AGMO: variants seen among roughly 807,000 people sequenced by gnomAD.
AGMO encodes alkylglycerol monooxygenase, also known as glyceryl-ether monooxygenase.
In AGMO, 75 loss-of-function variants were observed where a neutral mutation model predicts 60.2. The observed-to-expected ratio is 1.25, with a 90% CI of 1.03 to 1.51. The LOEUF (loss-of-function observed/expected upper bound fraction) is 1.51. Ranked by LOEUF, AGMO falls within the 40% of genes most tolerant of loss-of-function variation. The pLI, the probability that AGMO is intolerant of heterozygous loss-of-function variation, is 0.00. For synonymous variants in AGMO, 261 were observed against 177.1 expected (o/e 1.47, Z -3.76); for missense variants, 763 against 525.5 (o/e 1.45, Z -4.42).
intron 12 of AGMO, among the ~76,000 whole-genome samples, chr7:15,341,580 G>A (rs183620805): frequency 1.0e-3 from 155 of 152,224 alleles, no homozygotes; most frequent in African/African-American, 3.5e-3. Context: ...ACTGTTCCAA[G>A]CTTTGCCTGT....
intron 3 of AGMO, among the ~76,000 whole-genome samples, chr7:15,542,762 G>C (rs1252824671): frequency 6.6e-6 from 1 of 152,120 alleles, no homozygotes; most frequent in East Asian, 1.9e-4. Flanking sequence ...TTTGATTTTG[G>C]AGTAGCCTTT....
chr7:15,231,322 T>C (rs764294681), intron 12 of AGMO, among the ~76,000 whole-genome samples: 3 of 152,138 alleles, frequency 2.0e-5, no homozygotes, highest in East Asian at 1.9e-4. Flanking sequence ...ATGAATACGA[T>C]AGTTTGATGG....
At chr7:15,440,134 C>A (rs1165104273) in intron 3 of AGMO, among the ~76,000 whole-genome samples, 2 of 152,094 alleles carry the variant, frequency 1.3e-5, no homozygotes, top group Non-Finnish European at 2.9e-5. Context: ...TAACAGCAGT[C>A]CCCTCTTAAA....
the AGMO span, among the ~76,000 whole-genome samples, chr7:15,153,717 C>T: frequency 1.3e-5 from 2 of 152,100 alleles, no homozygotes; most frequent in Non-Finnish European, 2.9e-5. Context: ...TATACCAGAA[C>T]CATGCTGTTT....
chr7:15,139,112 C>T, the AGMO span, among the ~76,000 whole-genome samples: 2 of 152,096 alleles, frequency 1.3e-5, no homozygotes, highest in Non-Finnish European at 1.5e-5. Context: ...ATTTATCACC[C>T]ACTTGCCATG....
At position 15,298,527 on chromosome 7, in the gene AGMO, T is replaced by C. The variant is rs144758154; in HGVS notation, c.1263+66987A>G. On this transcript the variant is annotated intron_variant, in intron 12 of 12. Coordinates refer to ENST00000342526, the MANE Select transcript of AGMO (RefSeq NM_001004320.2). ...CTCTCACCTAAGCCTCCCAAGTAGC[T>C]GAGACTACAGATTACAGGTGTGTGC... 5.1e-3 allele frequency among the ~76,000 whole-genome samples: 769 copies of C among 152,206 alleles called. 5 individuals are homozygous for C. Among genetic ancestry groups the C allele is most frequent in the African/African-American group, 0.017 (718 of 41,540 alleles).
intron 3 of AGMO, among the ~76,000 whole-genome samples, chr7:15,454,924 T>TAA (rs1781959017): frequency 2.0e-5 from 3 of 152,118 alleles, no homozygotes; most frequent in Non-Finnish European, 4.4e-5. Flanking sequence ...TTTGAACCAT[T>TAA]TTAGCTTCTG....
At chr7:15,331,924 CA>C (rs201411602) in intron 12 of AGMO, among the ~76,000 whole-genome samples, 2,783 of 141,972 alleles carry the variant, frequency 0.02, 74 homozygotes, top group African/African-American at 0.064. Flanking sequence ...AAAACTGTCT[CA>C]AAAAAAAAAA....
intron 2 of AGMO, among the ~76,000 whole-genome samples, chr7:15,547,774 A>G (rs1297061570): frequency 6.6e-6 from 1 of 151,882 alleles, no homozygotes; most frequent in Non-Finnish European, 1.5e-5. Flanking sequence ...TGATTAGGTA[A>G]ACAAAGCAGC....
chr7:15,456,088 G>A lies in AGMO; in HGVS notation c.410-24980C>T, dbSNP rs1426223919. 2.6e-5 allele frequency among the ~76,000 whole-genome samples: 4 copies of A among 152,018 alleles called. No homozygotes were observed. In the East Asian group the frequency reaches 7.7e-4, roughly 29 times the overall value. ...CTCTAGTTTTCTTATCTATGTCTAT[G>A]TTATTTCCATTTAAAAATTCTATCT... On this transcript the variant is annotated intron_variant, in intron 3 of 12. Transcript: ENST00000342526.
At chr7:15,402,327 TTC>T (rs1337022068) in intron 5 of AGMO, among the ~76,000 whole-genome samples, 1 of 151,824 alleles carries the variant, frequency 6.6e-6, no homozygotes, top group Non-Finnish European at 1.5e-5. Flanking sequence ...TCTCTTCTTC[TTC>T]TCTTTTTGTT....
chr7:15,259,365 A>G (rs1421188444), intron 12 of AGMO, among the ~76,000 whole-genome samples: 4 of 152,042 alleles, frequency 2.6e-5, no homozygotes, highest in Non-Finnish European at 4.4e-5. Context: ...ACAAAGGAAA[A>G]AAAAATTGAC....
rs1781736185 is a variant in AGMO at position 15,338,595 on chromosome 7, A to C, written c.1263+26919T>G. Reference sequence around the variant, plus strand: ...GAGACCTAGCACTGCTATAGTTCCTAAAAACTGAAACAACTTTAAGACTAA... The same window carrying C: ...GAGACCTAGCACTGCTATAGTTCCTCAAAACTGAAACAACTTTAAGACTAA... On this transcript the variant is annotated intron_variant, in intron 12 of 12. Coordinates refer to ENST00000342526, the MANE Select transcript of AGMO (RefSeq NM_001004320.2). Among the ~76,000 whole-genome samples the C allele has an allele frequency of 2.0e-5, 3 of 152,164 alleles. No homozygotes were observed. In the South Asian group the frequency reaches 6.2e-4, roughly 31 times the overall value.
intron 12 of AGMO, among the ~76,000 whole-genome samples, chr7:15,228,486 A>G (rs2128498801): frequency 6.6e-6 from 1 of 152,280 alleles, no homozygotes; most frequent in African/African-American, 2.4e-5. Flanking sequence ...GGCTGGAGAA[A>G]TAGTTGTGAA....
chr7:15,474,403 T>A (rs1174295720), intron 3 of AGMO, among the ~76,000 whole-genome samples: 1 of 152,088 alleles, frequency 6.6e-6, no homozygotes, highest in African/African-American at 2.4e-5. Flanking sequence ...ACCACACATC[T>A]ACAACCATCT....
At chr7:15,526,376 T>G (rs1251414320) in intron 3 of AGMO, among the ~76,000 whole-genome samples, 4 of 152,192 alleles carry the variant, frequency 2.6e-5, no homozygotes, top group Admixed American at 2.6e-4. Flanking sequence ...ACTCCAAGTT[T>G]TAGTGAGAGC....
intron 12 of AGMO, among the ~76,000 whole-genome samples, chr7:15,320,006 G>C (rs998848234): frequency 2.6e-5 from 4 of 151,556 alleles, no homozygotes; most frequent in Non-Finnish European, 4.4e-5. Context: ...AAACTACTGC[G>C]AGGATAAAAA....
At chr7:15,375,806 C>G (rs1345655006) in intron 10 of AGMO, among the ~76,000 whole-genome samples, 1 of 152,092 alleles carries the variant, frequency 6.6e-6, no homozygotes, top group Non-Finnish European at 1.5e-5. Flanking sequence ...ATACACTTAA[C>G]AAATCTAAGT....
At position 15,245,274 on chromosome 7, in the gene AGMO, C is replaced by G. The variant is rs146400123; in HGVS notation, c.1264-43915G>C. 9.8e-5 allele frequency among the ~76,000 whole-genome samples: 15 copies of G among 152,288 alleles called. No homozygotes were observed. In the East Asian group the frequency reaches 2.9e-3, roughly 29 times the overall value. ...TACCAGATTCCCAATGTCGTCATCACTACCTATCCCTTTTCTTGTTGTTGT... is the reference window on the plus strand; with the variant it reads ...TACCAGATTCCCAATGTCGTCATCAGTACCTATCCCTTTTCTTGTTGTTGT... On this transcript the variant is annotated intron_variant, in intron 12 of 12. Transcript: ENST00000342526.
Sources: allele counts gnomAD v4.1 joint callset (sites outside exome capture counted in the v4.1 genomes callset), GRCh38; gene constraint gnomAD v4.1.1; transcripts MANE v1.5; gene names NCBI Gene and HGNC (gene_info 2026-07-23, HGNC 2026-07-21).